Variants in CREBRF observed in about 807,000 individuals in gnomAD.
CREBRF encodes UPF0474 protein C5orf41.
In CREBRF, 5 loss-of-function variants were observed where a neutral mutation model predicts 66.1. That is an observed-to-expected ratio of 0.08 (90% CI 0.04 to 0.16). The LOEUF (loss-of-function observed/expected upper bound fraction) is 0.16. Ranked by LOEUF, CREBRF falls within the 10% of genes least tolerant of loss-of-function variation. CREBRF has a pLI of 1.00. For missense variants in CREBRF, 531 were observed against 744.9 expected, an observed-to-expected ratio of 0.71 and a Z score of 3.34; for synonymous variants, 229 against 264.4, an observed-to-expected ratio of 0.87 and a Z score of 1.30.
rs149895875 is a variant in CREBRF at position 173,076,382 on chromosome 5, T to C, written c.-191-4203T>C. 3.6e-3 allele frequency among the ~76,000 whole-genome samples: 546 copies of C among 152,334 alleles called. 3 individuals are homozygous for C. The highest frequency in any genetic ancestry group is 0.012 in the African/African-American group (508 of 41,586). On this transcript the variant is annotated intron_variant, in intron 1 of 8. Transcript: ENST00000296953. ...TTCAAACCGTAGCATCTTCCTTGCC[T>C]GTCTTCCTTTCTTTCCTTTCTTCCT... is the stretch of plus-strand genomic sequence containing the variant.
In CREBRF at chr5:173,131,755, C is replaced by T. The variant is rs1019593426; in HGVS notation, c.1805-1875C>T. On this transcript the variant is annotated intron_variant, in intron 8 of 8. Transcript: ENST00000296953. ...ACTTTTTTTTGTTTGTTTTTGGAGA[C>T]GGAGTCTTGCTCTGTCACCCTGGCT... is the stretch of plus-strand genomic sequence containing the variant. 2.0e-5 allele frequency among the ~76,000 whole-genome samples: 3 copies of T among 151,800 alleles called. No individual in the cohort carries two copies. The South Asian group carries it at 6.2e-4, about 32-fold the overall frequency.
At chr5:173,115,776 A>AT (rs1758975270) in intron 7 of CREBRF, among the ~76,000 whole-genome samples, 2 of 151,534 alleles carry the variant, frequency 1.3e-5, no homozygotes, top group South Asian at 4.2e-4. Context: ...GGCTAATTTT[A>AT]TTTTTTTGTA....
chr5:173,058,822 G>A (rs1331096113), intron 1 of CREBRF, among the ~76,000 whole-genome samples: 2 of 122,442 alleles, frequency 1.6e-5, no homozygotes, highest in Admixed American at 9.9e-5. Flanking sequence ...TTAAGACGGA[G>A]TCTCCGTCTG....
At chr5:173,067,994 C>T (rs112998560) in intron 1 of CREBRF, 6,524 of 320,290 alleles carry the variant, frequency 0.02, 115 homozygotes, top group Middle Eastern at 0.036. Flanking sequence ...AGCGAGACTC[C>T]ACCTCAAAAA....
At chr5:173,092,577 T>A (rs1197094082) in intron 4 of CREBRF, among the ~76,000 whole-genome samples, 2 of 151,952 alleles carry the variant, frequency 1.3e-5, no homozygotes, top group African/African-American at 4.8e-5. Flanking sequence ...TAACTCTGCA[T>A]GAAAACTAAG....
At chr5:173,067,972 C>T (rs1225153848) in intron 1 of CREBRF, among the ~76,000 whole-genome samples, 1 of 151,984 alleles carries the variant, frequency 6.6e-6, no homozygotes, top group Admixed American at 6.6e-5. Context: ...TGCACTCCAG[C>T]CTGGGCGACA....
chr5:173,105,907 C>T (rs896975722), intron 4 of CREBRF, among the ~76,000 whole-genome samples: 2 of 151,922 alleles, frequency 1.3e-5, no homozygotes, highest in Admixed American at 6.6e-5. Flanking sequence ...CATGAGCCAC[C>T]GTGCCTGGCC....
At chr5:173,091,628 TTTA>T in intron 4 of CREBRF, 1 of 1,225,188 alleles carries the variant, frequency 8.2e-7, no homozygotes, top group Non-Finnish European at 1.0e-6. Flanking sequence ...GGGCTTATTT[TTTA>T]TTATTTTATT....
intron 1 of CREBRF, among the ~76,000 whole-genome samples, chr5:173,063,914 G>A (rs891136336): frequency 6.6e-6 from 1 of 150,894 alleles, no homozygotes; most frequent in African/African-American, 2.4e-5. Flanking sequence ...TAGAGACAGA[G>A]TTTCACCATG....
chr5:173,092,351 A>G, intron 4 of CREBRF: 1 of 985,210 alleles, frequency 1.0e-6, no homozygotes, highest in Non-Finnish European at 1.2e-6. Context: ...CTTTATTTAT[A>G]TACAGCGCAT....
chr5:173,116,621 C>G (rs1442440893), intron 7 of CREBRF, among the ~76,000 whole-genome samples: 1 of 152,152 alleles, frequency 6.6e-6, no homozygotes, highest in Non-Finnish European at 1.5e-5. Context: ...ATTTGTTTAT[C>G]TCTTCACCTT....
At chr5:173,106,398 C>G (rs1383691146) in intron 4 of CREBRF, among the ~76,000 whole-genome samples, 2 of 151,846 alleles carry the variant, frequency 1.3e-5, no homozygotes, top group Admixed American at 1.3e-4. Context: ...CCACTGCACT[C>G]CAGCCTGGGC....
rs115721224 is a variant in CREBRF at position 173,091,349 on chromosome 5, G to A, written c.1170G>A (p.Glu390=). The change falls in exon 4 of 9, where the codon GAG becomes GAA. Residue 390 remains glutamate, a synonymous_variant. Coordinates refer to ENST00000296953, the MANE Select transcript of CREBRF (RefSeq NM_153607.3). The part of the protein sequence containing the change: ...SENEEEEEEE[E]DYEDDKDDDI... ...ATGAGGAGGAGGAAGAAGAGGAAGA[G>A]GATTATGAAGATGACAAGGATGATG... 2 of 1,613,562 alleles carry A rather than the reference G, an allele frequency of 1.2e-6. No individual in the cohort carries two copies. Among genetic ancestry groups the A allele is most frequent in the African/African-American group, 2.7e-5 (2 of 75,042 alleles).
At chr5:173,093,015 G>C (rs1165367032) in intron 4 of CREBRF, among the ~76,000 whole-genome samples, 1 of 152,210 alleles carries the variant, frequency 6.6e-6, no homozygotes, top group African/African-American at 2.4e-5. Context: ...TGTAGGTAGG[G>C]GTAATTTATA....
chr5:173,089,702 G>T (rs553650894), intron 3 of CREBRF, among the ~76,000 whole-genome samples: 2 of 150,598 alleles, frequency 1.3e-5, no homozygotes, highest in African/African-American at 4.9e-5. Flanking sequence ...TCTAAAATTC[G>T]TGAGGAGTAT....
intron 1 of CREBRF, among the ~76,000 whole-genome samples, chr5:173,068,402 G>A (rs913994244): frequency 6.6e-6 from 1 of 152,170 alleles, no homozygotes; most frequent in Non-Finnish European, 1.5e-5. Context: ...AGGTGTTACA[G>A]ATATACATAC....
rs539348268 is a variant in CREBRF at position 173,138,101 on chromosome 5, C to T, written c.*4356C>T. The T allele has an allele frequency of 8.5e-5, 13 of 152,300 alleles. No homozygotes were observed. Among genetic ancestry groups the T allele is most frequent in the African/African-American group, 2.9e-4 (12 of 41,570 alleles). 9.4% of individuals were successfully genotyped at this position (152,300 alleles called of 1,614,324 possible). ...CTGAGGCCATTTCCACAACTTTGCACAGAACTGCAGTCTTGTTCTTCCCTT... is the reference window on the plus strand; with the variant it reads ...CTGAGGCCATTTCCACAACTTTGCATAGAACTGCAGTCTTGTTCTTCCCTT... On this transcript the variant is annotated 3_prime_UTR_variant, in exon 9 of 9. Transcript: ENST00000296953.
At position 173,059,256 on chromosome 5, in the gene CREBRF, C is replaced by CTTTTTTTTTTTTTTTTTTTTTTTTTTT. The variant is rs780723745; in HGVS notation, c.-192+2785_-192+2786insTTTTTTTTTTTTTTTTTTTTTTTTTTT. ...AGCTTATTTATCAGTTCTTCTTTTT[C>CTTTTTTTTTTTTTTTTTTTTTTTTTTT]TTTTTTTTCTTTTTTTTTTTTTTTT... On this transcript the variant is annotated intron_variant, in intron 1 of 8. Transcript: ENST00000296953. Among the ~76,000 whole-genome samples, 3 of 117,644 alleles carry CTTTTTTTTTTTTTTTTTTTTTTTTTTT rather than the reference C, an allele frequency of 2.6e-5. 1 individual carries two copies. The highest frequency in any genetic ancestry group is 6.4e-5 in the African/African-American group (2 of 31,312). 77.2% of individuals were successfully genotyped at this position (117,644 alleles called of 152,430 possible).
At chr5:173,101,676 C>T (rs1758630928) in intron 4 of CREBRF, among the ~76,000 whole-genome samples, 1 of 151,986 alleles carries the variant, frequency 6.6e-6, no homozygotes, top group Non-Finnish European at 1.5e-5. Flanking sequence ...CCTCAGCCTC[C>T]TGAGTAGCTG....
Sources: allele counts gnomAD v4.1 joint callset (sites outside exome capture counted in the v4.1 genomes callset), GRCh38; gene constraint gnomAD v4.1.1; transcripts MANE v1.5; gene names NCBI Gene and HGNC (gene_info 2026-07-23, HGNC 2026-07-21).